ASS1: variants seen among roughly 807,000 people sequenced by gnomAD.
The protein encoded by ASS1 is argininosuccinate synthase 1.
ASS1 carries 58 observed loss-of-function variants against 60.5 expected under a neutral mutation model. That is an observed-to-expected ratio of 0.96 (90% CI 0.78 to 1.19). The LOEUF (loss-of-function observed/expected upper bound fraction) is 1.19, where lower values mean the gene tolerates loss of function less well. Among genes scored for constraint, ASS1 ranks in the 50% most tolerant of loss-of-function variants. The pLI, the probability that ASS1 is intolerant of heterozygous loss-of-function variation, is 0.00. For synonymous variants in ASS1, 200 were observed against 206.9 expected (o/e 0.97, Z 0.29); for missense variants, 454 against 547.3 (o/e 0.83, Z 1.70).
Position 130,466,795 on chromosome 9 carries a change from C to T in ASS1, c.491C>T (p.Ala164Val). The T allele has an allele frequency of 3.1e-6, 5 of 1,614,050 alleles. No individual in the cohort carries two copies. Among genetic ancestry groups the T allele is most frequent in the Non-Finnish European group, 4.2e-6 (5 of 1,179,950 alleles). Residue 164 changes from alanine (A) to valine (V), a missense_variant, in exon 6 of 15, where the codon GCA (alanine) becomes GTA (valine). Coordinates refer to ENST00000352480, the MANE Select transcript of ASS1 (RefSeq NM_054012.4). ...FKGRNDLMEY[A>V]KQHGIPIPVT... ...GGCCGCAATGACCTGATGGAGTACGCAAAGGTATGGCCGAGTCTCCCCACC... is the reference window on the plus strand; with the variant it reads ...GGCCGCAATGACCTGATGGAGTACGTAAAGGTATGGCCGAGTCTCCCCACC...
rs1845167569 is a variant in ASS1, at chr9:130,445,239, CGGGGG to C, written c.-6+245_-6+249del. On this transcript the variant is annotated intron_variant, in intron 1 of 14. Transcript: ENST00000352480. The stretch of plus-strand genomic sequence containing the variant: ...GGGACGCGGCGGGGGCGCGAGTCCC[CGGGGG>C]CGCGAGTCCCCGGGTCCGAAGAGCG... 10 of 810,070 alleles carry C rather than the reference CGGGGG, an allele frequency of 1.2e-5. No homozygotes were observed. The Admixed American group carries it at 2.4e-3, about 196-fold the overall frequency. The allele number at this position is 810,070 out of a possible 1,614,324, so 50.2% of individuals were successfully genotyped here.
intron 2 of ASS1, among the ~76,000 whole-genome samples, chr9:130,452,538 G>A (rs1041799412): frequency 6.6e-6 from 1 of 152,160 alleles, no homozygotes; most frequent in Non-Finnish European, 1.5e-5. Flanking sequence ...CTGCAAATTG[G>A]CCATCCTTGA....
chr9:130,487,399 G>GT (rs1172685819), intron 11 of ASS1, among the ~76,000 whole-genome samples: 3 of 81,470 alleles, frequency 3.7e-5, no homozygotes, highest in Non-Finnish European at 8.7e-5. Context: ...TATCCTTCAT[G>GT]GTTTTTTTTT....
In ASS1 at chr9:130,473,970, G is replaced by C. The variant is rs1189112705; in HGVS notation, c.597+2455G>C. Among the ~76,000 whole-genome samples, 3 of 150,914 alleles carry C rather than the reference G, an allele frequency of 2.0e-5. No individual in the cohort carries two copies. The East Asian group carries it at 5.9e-4, about 30-fold the overall frequency. ...CATTTGCTTCCAATTTCTCCTTCTC[G>C]GGGCCTGTTTCATGCTTTCTTTCGC... On this transcript the variant is annotated intron_variant, in intron 8 of 14. Coordinates refer to ENST00000352480, the MANE Select transcript of ASS1 (RefSeq NM_054012.4).
intron 6 of ASS1, among the ~76,000 whole-genome samples, chr9:130,467,183 G>A (rs920978127): frequency 4.6e-5 from 7 of 152,070 alleles, no homozygotes; most frequent in African/African-American, 7.2e-5. Flanking sequence ...ATGGCCGGCC[G>A]GGGGGATGTG....
intron 4 of ASS1, among the ~76,000 whole-genome samples, chr9:130,462,972 C>G (rs1845638702): frequency 6.6e-6 from 1 of 152,220 alleles, no homozygotes; most frequent in Non-Finnish European, 1.5e-5. Flanking sequence ...CCCCCTGGCC[C>G]TGGGGGCCTC....
intron 11 of ASS1, among the ~76,000 whole-genome samples, chr9:130,486,492 G>A (rs1021395338): frequency 4.6e-5 from 7 of 152,048 alleles, no homozygotes; most frequent in Non-Finnish European, 5.9e-5. Flanking sequence ...CCCCTTCCTG[G>A]TTTGTGGCTC....
chr9:130,466,000 G>A (rs1845730675), intron 5 of ASS1, among the ~76,000 whole-genome samples: 1 of 152,180 alleles, frequency 6.6e-6, no homozygotes, highest in South Asian at 2.1e-4. Context: ...GAGTAGGGCT[G>A]TGGTCTTCCC....
At chr9:130,492,975 G>A (rs994230071) in intron 12 of ASS1, among the ~76,000 whole-genome samples, 1 of 152,188 alleles carries the variant, frequency 6.6e-6, no homozygotes, top group Non-Finnish European at 1.5e-5. Flanking sequence ...GCCCAGGCCA[G>A]TTGCTCCCAC....
chr9:130,466,559 C>G, intron 5 of ASS1, 166 bp from the exon 6 acceptor site: 1 of 686,492 alleles, frequency 1.5e-6, no homozygotes. Context: ...CTGTGTCCTT[C>G]CCCTCCTTCA....
chr9:130,471,368 C>G (rs1176138313), intron 7 of ASS1, 117 bp from the exon 8 acceptor site: 10 of 1,322,566 alleles, frequency 7.6e-6, no homozygotes, highest in African/African-American at 2.9e-5. Flanking sequence ...AGCAGATGCT[C>G]TGGCAGAGAG....
Position 130,479,706 on chromosome 9 carries a change from C to G in ASS1, c.689-10C>G. 1 of 1,612,274 alleles carries G rather than the reference C, an allele frequency of 6.2e-7. No individual in the cohort carries two copies. The highest frequency in any genetic ancestry group is 8.5e-7 in the Non-Finnish European group (1 of 1,178,392). On this transcript the variant is annotated splice_polypyrimidine_tract_variant and intron_variant, in intron 9 of 14. Transcript: ENST00000352480. ...GCCCAGAGGCCCACTGCCCTCTCTT[C>G]CCACCCTAGGGGTCCCTGTGAAGGT...
chr9:130,473,994 G>A lies in ASS1; in HGVS notation c.597+2479G>A, dbSNP rs796719089. Among the ~76,000 whole-genome samples the A allele has an allele frequency of 1.0e-4, 14 of 138,050 alleles. No individual in the cohort carries two copies. The South Asian group carries it at 3.4e-3, about 34-fold the overall frequency. The allele number at this position is 138,050 out of a possible 152,430, so 90.6% of individuals were successfully genotyped here. On this transcript the variant is annotated intron_variant, in intron 8 of 14. Transcript: ENST00000352480. ...CGGGGCCTGTTTCATGCTTTCTTTCGCCCTCTCCCCCTAGCCCCCACCCCG... is the reference window on the plus strand; with the variant it reads ...CGGGGCCTGTTTCATGCTTTCTTTCACCCTCTCCCCCTAGCCCCCACCCCG...
chr9:130,463,676 A>G (rs949916205), intron 4 of ASS1, among the ~76,000 whole-genome samples: 1 of 152,150 alleles, frequency 6.6e-6, no homozygotes, highest in Non-Finnish European at 1.5e-5. Flanking sequence ...AGGGTTCCCA[A>G]ATGTATGGGT....
At chr9:130,482,061 G>A (rs1678235363) in intron 11 of ASS1, among the ~76,000 whole-genome samples, 2 of 152,128 alleles carry the variant, frequency 1.3e-5, no homozygotes, top group South Asian at 4.1e-4. Flanking sequence ...AGATGCGGAA[G>A]CCAGGGCTGG....
chr9:130,492,382 G>A (rs141585144), intron 12 of ASS1, among the ~76,000 whole-genome samples: 53 of 152,212 alleles, frequency 3.5e-4, no homozygotes, highest in Non-Finnish European at 5.1e-4. Flanking sequence ...TTGTGGTCTC[G>A]GCACAGATAG....
intron 11 of ASS1, among the ~76,000 whole-genome samples, chr9:130,487,256 C>G (rs1036025262): frequency 5.3e-5 from 8 of 152,186 alleles, no homozygotes; most frequent in Admixed American, 3.3e-4. Context: ...CAAGCTCTGA[C>G]ATTTCCGTGA....
intron 13 of ASS1, 46 bp downstream of exon 13, chr9:130,495,069 C>T (rs1371564328): frequency 2.6e-5 from 40 of 1,566,552 alleles, no homozygotes; most frequent in Non-Finnish European, 3.3e-5. Flanking sequence ...GGCACAGAGC[C>T]TATCTTTTGA....
intron 11 of ASS1, among the ~76,000 whole-genome samples, chr9:130,481,495 G>T (rs927763709): frequency 6.6e-6 from 1 of 152,182 alleles, no homozygotes; most frequent in African/African-American, 2.4e-5. Context: ...TTTTTACTAA[G>T]ATTCTAAAAT....
Sources: allele counts gnomAD v4.1 joint callset (sites outside exome capture counted in the v4.1 genomes callset), GRCh38; gene constraint gnomAD v4.1.1; transcripts MANE v1.5; gene names NCBI Gene and HGNC (gene_info 2026-07-23, HGNC 2026-07-21).